Variants in GSPT1 observed in about 807,000 individuals in gnomAD.
The protein encoded by GSPT1 is G1 to S phase transition 1.
Under a neutral mutation model 72.5 loss-of-function variants are expected in GSPT1, and 20 were observed. That is an observed-to-expected ratio of 0.28 (90% CI 0.19 to 0.40). The LOEUF (loss-of-function observed/expected upper bound fraction) is 0.40, where lower values mean the gene tolerates loss of function less well. GSPT1 is among the 10% of genes least tolerant of loss of function. The probability of loss-of-function intolerance (pLI) is 1.00; values close to 1 mark genes in which losing one functional copy is unlikely to be tolerated. For missense variants in GSPT1, 580 were observed against 811.9 expected, an observed-to-expected ratio of 0.71 and a Z score of 3.47; for synonymous variants, 334 against 293.5, an observed-to-expected ratio of 1.14 and a Z score of -1.41.
chr16:11,875,183 C>T (rs757719606), intron 14 of GSPT1, among the ~76,000 whole-genome samples: 1 of 150,696 alleles, frequency 6.6e-6, no homozygotes, highest in African/African-American at 2.4e-5. Context: ...ATCGAGACTC[C>T]ATCTCAAAAA....
intron 6 of GSPT1, among the ~76,000 whole-genome samples, chr16:11,888,821 A>G (rs919744278): frequency 6.6e-6 from 1 of 152,184 alleles, no homozygotes; most frequent in Non-Finnish European, 1.5e-5. Flanking sequence ...AAACCCTTAG[A>G]GCTTTTATAT....
At chr16:11,896,913 A>G (rs2054347612) in intron 3 of GSPT1, 128 bp from the exon 4 acceptor site, 1 of 658,186 alleles carries the variant, frequency 1.5e-6, no homozygotes, top group African/African-American at 1.8e-5. Flanking sequence ...CTAGTGACAC[A>G]TAAGCAGGAA....
At chr16:11,913,220 C>T (rs2054582777) in intron 1 of GSPT1, among the ~76,000 whole-genome samples, 1 of 152,192 alleles carries the variant, frequency 6.6e-6, no homozygotes, top group African/African-American at 2.4e-5. Flanking sequence ...TGCAATCCAA[C>T]AGTCTCAATA....
chr16:11,899,327 TTTC>T (rs1355755523), intron 1 of GSPT1, among the ~76,000 whole-genome samples: 1 of 150,814 alleles, frequency 6.6e-6, no homozygotes, highest in Non-Finnish European at 1.5e-5. Context: ...ACCAAATTGT[TTTC>T]TTTTTTTTTT....
intron 1 of GSPT1, among the ~76,000 whole-genome samples, chr16:11,904,353 C>T (rs973182501): frequency 6.6e-6 from 1 of 152,096 alleles, no homozygotes; most frequent in Admixed American, 6.6e-5. Context: ...CAGGCGCGCG[C>T]CACCACGCCT....
At chr16:11,893,942 C>G (rs1474126649) in intron 5 of GSPT1, among the ~76,000 whole-genome samples, 1 of 151,594 alleles carries the variant, frequency 6.6e-6, no homozygotes, top group Non-Finnish European at 1.5e-5. Context: ...ACCACTTGAC[C>G]CCAAGAGGTC....
In GSPT1 at chr16:11,915,672, T is replaced by C. The variant is rs1189427317; in HGVS notation, c.49A>G (p.Ser17Gly). The C allele has an allele frequency of 3.8e-5, 54 of 1,420,806 alleles. No homozygotes were observed. Among genetic ancestry groups the C allele is most frequent in the Admixed American group, 1.4e-4 (6 of 41,428 alleles). The allele number at this position is 1,420,806 out of a possible 1,614,324, so 88.0% of individuals were successfully genotyped here. ...GGGGGGGGGG[S>G]SSGSSSSDSA... ...TCGCTGCTGCTGCTGCCGCTGCTGCTCCCGCCGCCGCCGCCGCCGCCGCCG... is the reference window on the plus strand; with the variant it reads ...TCGCTGCTGCTGCTGCCGCTGCTGCCCCCGCCGCCGCCGCCGCCGCCGCCG... The change falls in exon 1 of 15, where the codon AGC (serine) becomes GGC (glycine). Residue 17 changes from serine (S) to glycine (G), a missense_variant. This residue lies in a region of GSPT1 where 327 missense variants were observed against 298.8 expected (regional missense o/e 1.09). Coordinates refer to ENST00000434724, the MANE Select transcript of GSPT1 (RefSeq NM_002094.4).
Position 11,887,539 on chromosome 16 carries a change from T to TA in GSPT1, c.957+30dup, listed in dbSNP as rs767930776. Reference sequence around the variant, plus strand: ...AGATATAAGCGGGGCTACTAACAAATATACAGATGGACTGGAAATGTCTTT... The same window carrying TA: ...AGATATAAGCGGGGCTACTAACAAATAATACAGATGGACTGGAAATGTCTTT... On this transcript the variant is annotated intron_variant, in intron 7 of 14. Coordinates refer to ENST00000434724, the MANE Select transcript of GSPT1 (RefSeq NM_002094.4). The TA allele has an allele frequency of 7.6e-6, 12 of 1,580,800 alleles. No individual in the cohort carries two copies. The Admixed American group carries it at 8.6e-5, about 11-fold the overall frequency.
rs778715359 is a variant in GSPT1, at chr16:11,877,622, C to T, written c.1429-42G>A. On this transcript the variant is annotated intron_variant, in intron 11 of 14. Coordinates refer to ENST00000434724, the MANE Select transcript of GSPT1 (RefSeq NM_002094.4). The surrounding 1 kb of genome is among the most constrained non-coding windows in gnomAD (Gnocchi z 4.0). ...GACTGGAGGTTTTCTGACACATTCACTGCATTACGCAACATAAAATGATCT... is the reference window on the plus strand; with the variant it reads ...GACTGGAGGTTTTCTGACACATTCATTGCATTACGCAACATAAAATGATCT... The T allele has an allele frequency of 1.6e-6, 2 of 1,235,060 alleles. No individual in the cohort carries two copies. The highest frequency in any genetic ancestry group is 2.3e-6 in the Non-Finnish European group (2 of 884,460). The allele number at this position is 1,235,060 out of a possible 1,614,324, so 76.5% of individuals were successfully genotyped here. A position where few individuals can be genotyped will look rare whatever the true frequency, so the allele number is the denominator to read the frequency against.
chr16:11,902,273 T>C (rs1425386807), intron 1 of GSPT1, among the ~76,000 whole-genome samples: 1 of 149,070 alleles, frequency 6.7e-6, no homozygotes. Context: ...TCCCAGCTAC[T>C]CGGGAGGCCA....
chr16:11,892,841 A>AAAAG (rs2054285677), intron 5 of GSPT1, among the ~76,000 whole-genome samples: 1 of 149,146 alleles, frequency 6.7e-6, no homozygotes, highest in African/African-American at 2.5e-5. Context: ...AAAAAAAAAA[A>AAAAG]AAAAAAAAAA....
At chr16:11,891,328 AC>A (rs895461974) in intron 5 of GSPT1, among the ~76,000 whole-genome samples, 189 bp from the exon 6 acceptor site, 153 of 147,568 alleles carry the variant, frequency 1.0e-3, no homozygotes, top group African/African-American at 3.3e-3. Context: ...AATATATTAC[AC>A]ATTTTTATAT....
chr16:11,895,092 G>T, intron 4 of GSPT1, 105 bp from the exon 5 acceptor site: 1 of 724,586 alleles, frequency 1.4e-6, no homozygotes, highest in South Asian at 1.6e-5. Flanking sequence ...TCTTCCATAT[G>T]AATTTGGGGC....
intron 5 of GSPT1, among the ~76,000 whole-genome samples, chr16:11,892,898 G>A (rs1351361197): frequency 7.1e-6 from 1 of 140,704 alleles, no homozygotes; most frequent in Non-Finnish European, 1.5e-5. Context: ...GGACAATCTT[G>A]ACAGATGACA....
chr16:11,893,600 G>A (rs974841748), intron 5 of GSPT1, among the ~76,000 whole-genome samples: 2 of 152,058 alleles, frequency 1.3e-5, no homozygotes, highest in Non-Finnish European at 2.9e-5. Context: ...CCAATTCAAA[G>A]CTCTCCTTTC....
Position 11,885,287 on chromosome 16 carries a change from C to T in GSPT1, c.1254-13G>A, listed in dbSNP as rs778837367. Reference sequence around the variant, plus strand: ...AAACGGTAATCCACTGAGAACATAACAACAAAGCCATTAAAGGAAGTCAAC... The same window carrying T: ...AAACGGTAATCCACTGAGAACATAATAACAAAGCCATTAAAGGAAGTCAAC... On this transcript the variant is annotated splice_polypyrimidine_tract_variant and intron_variant, in intron 9 of 14. Transcript: ENST00000434724. The T allele has an allele frequency of 2.2e-5, 29 of 1,300,158 alleles. No homozygotes were observed. Among genetic ancestry groups the T allele is most frequent in the East Asian group, 9.2e-5 (4 of 43,334 alleles). 80.5% of individuals were successfully genotyped at this position (1,300,158 alleles called of 1,614,324 possible).
At chr16:11,879,751 A>AAAAC (rs1567436240) in intron 11 of GSPT1, among the ~76,000 whole-genome samples, 1 of 151,002 alleles carries the variant, frequency 6.6e-6, no homozygotes, top group Non-Finnish European at 1.5e-5. Flanking sequence ...AAAAAAAAAA[A>AAAAC]AAAACAAAAC....
intron 1 of GSPT1, among the ~76,000 whole-genome samples, chr16:11,909,310 C>T (rs1351314842): frequency 6.6e-6 from 1 of 152,192 alleles, no homozygotes; most frequent in African/African-American, 2.4e-5. Context: ...TATAAATCTA[C>T]AGTCTCGGCT....
At chr16:11,907,315 G>A (rs117297920) in intron 1 of GSPT1, among the ~76,000 whole-genome samples, 3,315 of 152,210 alleles carry the variant, frequency 0.022, 48 homozygotes, top group Non-Finnish European at 0.034. Context: ...AAATGACCTC[G>A]ATTCCAAGCC....
Sources: gnomAD v4.1 joint callset for allele counts (sites outside exome capture counted in the v4.1 genomes callset) on GRCh38, gnomAD v4.1.1 for gene constraint, gnomAD v4.1.1 regional missense constraint, Gnocchi (gnomAD v3.1) non-coding constraint, MANE v1.5 for transcripts, NCBI Gene and HGNC (gene_info 2026-07-23, HGNC 2026-07-21) for gene names.